The following CDK13 variants were observed in gnomAD, a reference collection of about 807,000 sequenced individuals.
CDK13 encodes cyclin dependent kinase 13.
Under a neutral mutation model 137.6 loss-of-function variants are expected in CDK13, and 40 were observed. That is an observed-to-expected ratio of 0.29 (90% CI 0.23 to 0.38). CDK13 has a LOEUF of 0.38. CDK13 is among the 10% of genes least tolerant of loss of function. The probability of loss-of-function intolerance (pLI) is 1.00; values close to 1 mark genes in which losing one functional copy is unlikely to be tolerated. For synonymous variants in CDK13, 869 were observed against 760.1 expected, an observed-to-expected ratio of 1.14 and a Z score of -2.36; for missense variants, 1,704 against 1,951.8, an observed-to-expected ratio of 0.87 and a Z score of 2.39.
intron 1 of CDK13, among the ~76,000 whole-genome samples, chr7:39,980,790 C>T (rs1364831244): frequency 6.6e-6 from 1 of 152,176 alleles, no homozygotes; most frequent in Non-Finnish European, 1.5e-5. Context: ...TTTCAGAAGA[C>T]CTAGACTCCT....
rs1398378720 is a variant in CDK13, at chr7:40,094,271, A to G, written c.3830A>G (p.Tyr1277Cys). 1.2e-6 allele frequency: 2 copies of G among 1,612,618 alleles called. No individual in the cohort carries two copies. The highest frequency in any genetic ancestry group is 1.3e-5 in the African/African-American group (1 of 74,846). Reference sequence around the variant, plus strand: ...CCAGTCACTGAGGAAGATCTAGATTATCGGACAGAAAACCAGCATGTACCC... The same window carrying G: ...CCAGTCACTGAGGAAGATCTAGATTGTCGGACAGAAAACCAGCATGTACCC... ...PPPVTEEDLD[Y>C]RTENQHVPTT... is the part of the protein sequence containing the mutation. Residue 1277 changes from tyrosine (Y) to cysteine (C), a missense_variant, in exon 14 of 14, where the codon TAT becomes TGT. Tyr to Cys is a radical substitution (Grantham distance 194). This residue lies in a region of CDK13 where 475 missense variants were observed against 579.3 expected (regional missense o/e 0.82). Transcript: ENST00000181839.
At chr7:40,037,664 G>T (rs1292395391) in intron 5 of CDK13, among the ~76,000 whole-genome samples, 1 of 152,186 alleles carries the variant, frequency 6.6e-6, no homozygotes, top group East Asian at 1.9e-4. Flanking sequence ...TGCTACTGTA[G>T]ATGATTTCAG....
chr7:40,041,886 A>G (rs991243529), intron 5 of CDK13, among the ~76,000 whole-genome samples: 1 of 152,228 alleles, frequency 6.6e-6, no homozygotes, highest in African/African-American at 2.4e-5. Context: ...GATCATGCTT[A>G]CAGCTAAATC....
intron 5 of CDK13, among the ~76,000 whole-genome samples, chr7:40,040,817 G>T (rs760247128): frequency 2.0e-4 from 31 of 152,012 alleles, no homozygotes; most frequent in Admixed American, 3.3e-4. Flanking sequence ...TTTTTAACCT[G>T]TTTAACTGTA....
chr7:39,971,610 G>A (rs1044719189), intron 1 of CDK13, among the ~76,000 whole-genome samples: 4 of 126,088 alleles, frequency 3.2e-5, no homozygotes, highest in African/African-American at 8.8e-5. Context: ...AAAAAAAGAG[G>A]TCCAGGCTGG....
At chr7:39,974,328 G>C (rs1583929204) in intron 1 of CDK13, among the ~76,000 whole-genome samples, 2 of 151,958 alleles carry the variant, frequency 1.3e-5, no homozygotes. Flanking sequence ...GGCCTCCCAA[G>C]GTGTTGGGAT....
intron 5 of CDK13, among the ~76,000 whole-genome samples, chr7:40,025,765 A>G (rs1028227802): frequency 1.3e-5 from 2 of 152,230 alleles, no homozygotes; most frequent in Admixed American, 6.5e-5. Context: ...ATCTAAACCA[A>G]TGTGCCATTG....
rs544354221 is a variant in CDK13 at position 39,976,217 on chromosome 7, C to G, written c.1212-11382C>G. 5.3e-5 allele frequency among the ~76,000 whole-genome samples: 8 copies of G among 151,450 alleles called. No homozygotes were observed. The East Asian group carries it at 1.6e-3, about 30-fold the overall frequency. ...CTAAGGCAGGAGAATCACTTGAACC[C>G]GGGAGGCGGAGGTTGCAGTGAGCCG... is the stretch of plus-strand genomic sequence containing the variant. On this transcript the variant is annotated intron_variant, in intron 1 of 13. Transcript: ENST00000181839.
intron 5 of CDK13, among the ~76,000 whole-genome samples, chr7:40,026,336 C>T: frequency 6.6e-6 from 1 of 152,080 alleles, no homozygotes; most frequent in East Asian, 1.9e-4. Flanking sequence ...TAGCTAGACC[C>T]TATCTCTAAA....
intron 7 of CDK13, chr7:40,059,226 C>CT (rs1786086810): frequency 6.6e-6 from 1 of 152,244 alleles, no homozygotes; most frequent in Non-Finnish European, 1.5e-5. Context: ...GGGCACACTC[C>CT]TTATCACACT....
At chr7:39,960,895 ATAAT>A (rs1301610033) in intron 1 of CDK13, among the ~76,000 whole-genome samples, 2 of 152,166 alleles carry the variant, frequency 1.3e-5, no homozygotes, top group Admixed American at 1.3e-4. Flanking sequence ...TTATTGACAA[ATAAT>A]TGTATATGTT....
chr7:40,092,447 T>C (rs995976033), intron 12 of CDK13: 2 of 233,162 alleles, frequency 8.6e-6, no homozygotes, highest in Non-Finnish European at 1.7e-5. Context: ...TATGTGACAC[T>C]CCCTTAGCTG....
At chr7:40,016,160 G>T (rs117049063) in intron 5 of CDK13, among the ~76,000 whole-genome samples, 1 of 152,190 alleles carries the variant, frequency 6.6e-6, no homozygotes, top group Non-Finnish European at 1.5e-5. Context: ...ACGTTGCTGT[G>T]CAGTTTTTGG....
At chr7:40,006,166 A>C (rs978071990) in intron 5 of CDK13, among the ~76,000 whole-genome samples, 2 of 152,092 alleles carry the variant, frequency 1.3e-5, no homozygotes, top group Non-Finnish European at 2.9e-5. Flanking sequence ...TCTGATTTTT[A>C]ATCTTTTATT....
intron 7 of CDK13, among the ~76,000 whole-genome samples, chr7:40,053,002 T>C (rs1785927225): frequency 6.6e-6 from 1 of 152,178 alleles, no homozygotes; most frequent in African/African-American, 2.4e-5. Flanking sequence ...ATAAATAATA[T>C]GATTAAACAA....
chr7:40,034,081 G>A (rs565363767), intron 5 of CDK13, among the ~76,000 whole-genome samples: 5 of 152,202 alleles, frequency 3.3e-5, no homozygotes, highest in Non-Finnish European at 5.9e-5. Flanking sequence ...TCTGATCTTC[G>A]CTATGATAAT....
rs1396880201 is a variant in CDK13, at chr7:40,098,995, G to A, written c.*4015G>A. 1.3e-5 allele frequency: 2 copies of A among 151,566 alleles called. No individual in the cohort carries two copies. The highest frequency in any genetic ancestry group is 2.9e-5 in the Non-Finnish European group (2 of 67,904). 9.4% of individuals were successfully genotyped at this position (151,566 alleles called of 1,614,324 possible). The stretch of plus-strand genomic sequence containing the variant: ...GTTGAAAGAAGATTGGTTATCAGTA[G>A]GCTTGCAAACATAATTTGCTTTTAA... On this transcript the variant is annotated 3_prime_UTR_variant, in exon 14 of 14. Transcript: ENST00000181839.
At chr7:40,023,630 G>T (rs1785176595) in intron 5 of CDK13, among the ~76,000 whole-genome samples, 1 of 151,976 alleles carries the variant, frequency 6.6e-6, no homozygotes, top group Admixed American at 6.6e-5. Context: ...CTTCAGAGTG[G>T]CTGGGACTGC....
At chr7:40,044,383 A>G (rs926011495) in intron 5 of CDK13, among the ~76,000 whole-genome samples, 4 of 151,356 alleles carry the variant, frequency 2.6e-5, no homozygotes, top group Non-Finnish European at 4.4e-5. Flanking sequence ...CAGTGGCTCA[A>G]TCTCAGCTTA....
Sources: allele counts gnomAD v4.1 joint callset (sites outside exome capture counted in the v4.1 genomes callset), GRCh38; gene constraint gnomAD v4.1.1; regional missense constraint gnomAD v4.1.1; transcripts MANE v1.5; gene names NCBI Gene and HGNC (gene_info 2026-07-23, HGNC 2026-07-21).